The following KCNQ5 variants were observed in gnomAD, a reference collection of about 807,000 sequenced individuals.
The protein encoded by KCNQ5 is potassium voltage-gated channel subfamily KQT member 5.
A neutral mutation model predicts 98.2 loss-of-function variants in KCNQ5; 30 were observed. The observed-to-expected ratio is 0.31, with a 90% CI of 0.23 to 0.41. The LOEUF (loss-of-function observed/expected upper bound fraction) is 0.41. Ranked by LOEUF, KCNQ5 falls within the 10% of genes least tolerant of loss-of-function variation. KCNQ5 has a pLI of 1.00. For missense variants in KCNQ5, 835 were observed against 1,182.5 expected (o/e 0.71, Z 4.31); for synonymous variants, 458 against 449.4 (o/e 1.02, Z -0.24).
chr6:72,674,639 A>G (rs1565073338), intron 1 of KCNQ5, among the ~76,000 whole-genome samples: 1 of 151,984 alleles, frequency 6.6e-6, no homozygotes. Context: ...TTGCTGTAGC[A>G]TGTGCCTGTA....
At chr6:73,029,278 T>C (rs761031724) in intron 2 of KCNQ5, among the ~76,000 whole-genome samples, 3 of 152,166 alleles carry the variant, frequency 2.0e-5, no homozygotes, top group Non-Finnish European at 2.9e-5. Flanking sequence ...GGAATCAGAA[T>C]GTAGCTTGGT....
intron 1 of KCNQ5, among the ~76,000 whole-genome samples, chr6:72,929,665 A>G (rs1765603264): frequency 6.6e-6 from 1 of 152,186 alleles, no homozygotes; most frequent in Non-Finnish European, 1.5e-5. Flanking sequence ...AAAGTACTCT[A>G]GTTTGAACCA....
intron 2 of KCNQ5, among the ~76,000 whole-genome samples, chr6:73,033,935 G>A (rs997696650): frequency 1.3e-5 from 2 of 152,212 alleles, no homozygotes; most frequent in Non-Finnish European, 2.9e-5. Context: ...AAGCTTGAAA[G>A]CTAGCTGGAT....
At position 72,810,025 on chromosome 6, in the gene KCNQ5, G is replaced by A. The variant is rs1369310476; in HGVS notation, c.398+187438G>A. On this transcript the variant is annotated intron_variant, in intron 1 of 13. Coordinates refer to ENST00000370398, the MANE Select transcript of KCNQ5 (RefSeq NM_019842.4). ...GATTAAGAAATAGCCTCTGATAAAA[G>A]GCATCTCCCGACTGCTTCATTATGT... 3.9e-5 allele frequency among the ~76,000 whole-genome samples: 6 copies of A among 152,242 alleles called. No homozygotes were observed. In the South Asian group the frequency reaches 1.2e-3, roughly 32 times the overall value.
chr6:72,632,172 C>G (rs1015642632), intron 1 of KCNQ5, among the ~76,000 whole-genome samples: 11 of 132,532 alleles, frequency 8.3e-5, no homozygotes, highest in Admixed American at 4.3e-4. Flanking sequence ...GAGTCTCACT[C>G]TATTGCCCAG....
chr6:73,054,710 A>G (rs768677009), intron 3 of KCNQ5, among the ~76,000 whole-genome samples: 15 of 152,250 alleles, frequency 9.9e-5, no homozygotes, highest in Admixed American at 2.6e-4. Context: ...AATAAGAGCC[A>G]TCTATAAGAA....
At chr6:72,864,929 G>C (rs944862119) in intron 1 of KCNQ5, among the ~76,000 whole-genome samples, 16 of 152,194 alleles carry the variant, frequency 1.1e-4, no homozygotes, top group Non-Finnish European at 2.1e-4. Flanking sequence ...AGCATTGTAA[G>C]AATTACAGAG....
chr6:73,115,198 GA>G (rs913703148), intron 7 of KCNQ5, among the ~76,000 whole-genome samples: 4 of 150,936 alleles, frequency 2.7e-5, no homozygotes, highest in African/African-American at 7.3e-5. Context: ...ATGAAGGCAG[GA>G]AAAAAAACAG....
intron 1 of KCNQ5, among the ~76,000 whole-genome samples, chr6:72,653,519 TGTATA>T (rs1233538246): frequency 6.6e-6 from 1 of 152,082 alleles, no homozygotes; most frequent in African/African-American, 2.4e-5. Context: ...ATGACATTAT[TGTATA>T]GTTGTGGTCA....
intron 1 of KCNQ5, among the ~76,000 whole-genome samples, chr6:72,949,950 T>C (rs1471862904): frequency 6.6e-6 from 1 of 152,184 alleles, no homozygotes; most frequent in African/African-American, 2.4e-5. Context: ...CCCTCTCAAA[T>C]AGTTTTTTAT....
intron 1 of KCNQ5, among the ~76,000 whole-genome samples, chr6:72,643,790 T>A (rs1206610352): frequency 6.6e-6 from 1 of 152,162 alleles, no homozygotes; most frequent in Non-Finnish European, 1.5e-5. Context: ...AAACCAGAAT[T>A]TTCTTTAATT....
chr6:73,114,859 CA>C (rs1281582389), intron 7 of KCNQ5, among the ~76,000 whole-genome samples: 1 of 152,086 alleles, frequency 6.6e-6, no homozygotes, highest in Non-Finnish European at 1.5e-5. Flanking sequence ...CCAACTGACC[CA>C]AAAGAAAAAT....
intron 9 of KCNQ5, among the ~76,000 whole-genome samples, chr6:73,126,213 A>G (rs986719158): frequency 2.0e-5 from 3 of 152,208 alleles, no homozygotes; most frequent in African/African-American, 7.2e-5. Context: ...AAGGACAGAG[A>G]CCATCTTTGG....
chr6:72,625,200 A>T (rs115466916), intron 1 of KCNQ5, among the ~76,000 whole-genome samples: 271 of 152,328 alleles, frequency 1.8e-3, no homozygotes, highest in African/African-American at 6.0e-3. Flanking sequence ...TCTATTATTT[A>T]TGCAAAAATA....
chr6:72,735,135 T>C (rs940627157), intron 1 of KCNQ5, among the ~76,000 whole-genome samples: 1 of 152,188 alleles, frequency 6.6e-6, no homozygotes, highest in Admixed American at 6.5e-5. Flanking sequence ...TTGGATAACT[T>C]GGTGATCAAA....
At chr6:72,691,665 C>A (rs1202143358) in intron 1 of KCNQ5, among the ~76,000 whole-genome samples, 1 of 152,138 alleles carries the variant, frequency 6.6e-6, no homozygotes, top group East Asian at 1.9e-4. Flanking sequence ...TTACTATAAT[C>A]ACTTTTTTGG....
intron 5 of KCNQ5, among the ~76,000 whole-genome samples, chr6:73,090,674 C>T (rs748380426): frequency 2.6e-5 from 4 of 152,034 alleles, no homozygotes; most frequent in South Asian, 2.1e-4. Flanking sequence ...GGGTGTCCTT[C>T]GCTTCTCAAA....
intron 1 of KCNQ5, among the ~76,000 whole-genome samples, chr6:72,834,667 C>G (rs931137295): frequency 2.6e-5 from 4 of 152,146 alleles, no homozygotes; most frequent in Non-Finnish European, 5.9e-5. Flanking sequence ...TGCTGCAAGA[C>G]TCTGTTGGCC....
chr6:72,783,964 G>T (rs1201609625), intron 1 of KCNQ5, among the ~76,000 whole-genome samples: 1 of 152,164 alleles, frequency 6.6e-6, no homozygotes, highest in Admixed American at 6.5e-5. Context: ...ACAAAAGGCC[G>T]TGTAGCCCAA....
Sources: gnomAD v4.1 joint callset for allele counts (sites outside exome capture counted in the v4.1 genomes callset) on GRCh38, gnomAD v4.1.1 for gene constraint, MANE v1.5 for transcripts, NCBI Gene and HGNC (gene_info 2026-07-23, HGNC 2026-07-21) for gene names.